The following GRIA1 variants were observed in gnomAD, a reference collection of about 807,000 sequenced individuals.
The protein encoded by GRIA1 is glutamate receptor 1.
A neutral mutation model predicts 99.2 loss-of-function variants in GRIA1; 31 were observed. The observed-to-expected ratio is 0.31, with a 90% CI of 0.23 to 0.42. The LOEUF (loss-of-function observed/expected upper bound fraction) is 0.42, where lower values mean the gene tolerates loss of function less well. Ranked by LOEUF, GRIA1 falls within the 10% of genes least tolerant of loss-of-function variation. The pLI is 1.00. For missense variants in GRIA1, 782 were observed against 1,157.5 expected (o/e 0.68, Z 4.71); for synonymous variants, 438 against 432.4 (o/e 1.01, Z -0.16).
At chr5:153,682,184 A>G (rs1757019320) in intron 7 of GRIA1, among the ~76,000 whole-genome samples, 1 of 152,136 alleles carries the variant, frequency 6.6e-6, no homozygotes, top group Non-Finnish European at 1.5e-5. Context: ...CAGAGTACCT[A>G]GAATGTGACC....
chr5:153,536,864 G>T (rs1003900673), intron 2 of GRIA1, among the ~76,000 whole-genome samples: 1 of 152,092 alleles, frequency 6.6e-6, no homozygotes, highest in African/African-American at 2.4e-5. Context: ...CAGTGCCTTC[G>T]TTGAGACAGG....
chr5:153,721,072 C>G (rs1760031893), intron 11 of GRIA1, among the ~76,000 whole-genome samples: 1 of 152,148 alleles, frequency 6.6e-6, no homozygotes. Context: ...CATGATTAAA[C>G]CAGAAGCAAA....
chr5:153,725,255 C>A (rs1301270015), intron 11 of GRIA1, among the ~76,000 whole-genome samples: 2 of 147,134 alleles, frequency 1.4e-5, no homozygotes, highest in Non-Finnish European at 3.0e-5. Flanking sequence ...AAGCACTAAA[C>A]ATGGAAAGGA....
At chr5:153,685,354 G>A (rs1187301594) in intron 7 of GRIA1, among the ~76,000 whole-genome samples, 1 of 152,180 alleles carries the variant, frequency 6.6e-6, no homozygotes, top group East Asian at 1.9e-4. Context: ...GATCTCCATG[G>A]TCACCATTTG....
At chr5:153,510,204 A>G (rs1391630428) in intron 2 of GRIA1, among the ~76,000 whole-genome samples, 2 of 152,200 alleles carry the variant, frequency 1.3e-5, no homozygotes, top group Non-Finnish European at 2.9e-5. Flanking sequence ...AACTAAATAT[A>G]TAGCTAGTTG....
chr5:153,665,526 G>A (rs1442309022), intron 5 of GRIA1, among the ~76,000 whole-genome samples: 2 of 152,196 alleles, frequency 1.3e-5, no homozygotes, highest in Admixed American at 1.3e-4. Context: ...GGTTAAAGTG[G>A]CTAAAATAGG....
At chr5:153,732,461 T>C in intron 11 of GRIA1, among the ~76,000 whole-genome samples, 1 of 152,158 alleles carries the variant, frequency 6.6e-6, no homozygotes, top group East Asian at 1.9e-4. Context: ...TGATTAGCTT[T>C]TCCCTGTTGA....
rs116672357 is a variant in GRIA1, at chr5:153,749,481, G to A, written c.1824-14953G>A. 2.6e-3 allele frequency among the ~76,000 whole-genome samples: 389 copies of A among 152,270 alleles called. 3 individuals are homozygous for A. The highest frequency in any genetic ancestry group is 8.6e-3 in the African/African-American group (359 of 41,558). Reference sequence around the variant, plus strand: ...GCCTCAGGCTGCTCCCACTCACGGAGGAAGGCAAGGGGGAGCTGGCATGTG... The same window carrying A: ...GCCTCAGGCTGCTCCCACTCACGGAAGAAGGCAAGGGGGAGCTGGCATGTG... On this transcript the variant is annotated intron_variant, in intron 11 of 15. Coordinates refer to ENST00000285900, the MANE Select transcript of GRIA1 (RefSeq NM_000827.4).
At chr5:153,551,291 T>C (rs1032323242) in intron 2 of GRIA1, among the ~76,000 whole-genome samples, 3 of 152,220 alleles carry the variant, frequency 2.0e-5, no homozygotes, top group Non-Finnish European at 4.4e-5. Context: ...GACATACATT[T>C]ATTTGAATGT....
At chr5:153,719,974 C>G (rs1380556125) in intron 11 of GRIA1, among the ~76,000 whole-genome samples, 8 of 152,128 alleles carry the variant, frequency 5.3e-5, no homozygotes, top group African/African-American at 1.9e-4. Context: ...CATTTATAGT[C>G]AGTGATTATT....
At chr5:153,697,430 T>C (rs752697340) in intron 8 of GRIA1, among the ~76,000 whole-genome samples, 2 of 152,156 alleles carry the variant, frequency 1.3e-5, no homozygotes, top group Non-Finnish European at 2.9e-5. Flanking sequence ...TTAGTATAAA[T>C]AACCTACTCA....
intron 2 of GRIA1, among the ~76,000 whole-genome samples, chr5:153,642,869 T>C (rs147250562): frequency 3.3e-5 from 5 of 152,258 alleles, no homozygotes; most frequent in African/African-American, 1.2e-4. Context: ...CCTCCTTTCA[T>C]CTCTCTACTG....
intron 13 of GRIA1, among the ~76,000 whole-genome samples, chr5:153,774,479 G>C (rs1764093729): frequency 6.6e-6 from 1 of 152,188 alleles, no homozygotes; most frequent in Non-Finnish European, 1.5e-5. Context: ...AAAAGTGCTT[G>C]AGTTTGTTCC....
chr5:153,672,183 G>T (rs1002650320), intron 5 of GRIA1, among the ~76,000 whole-genome samples: 3 of 151,162 alleles, frequency 2.0e-5, no homozygotes, highest in Non-Finnish European at 4.4e-5. Context: ...TCACCTCAGG[G>T]TCATGCCATG....
chr5:153,684,027 G>A (rs572771945), intron 7 of GRIA1, among the ~76,000 whole-genome samples: 5 of 152,204 alleles, frequency 3.3e-5, no homozygotes, highest in African/African-American at 9.6e-5. Flanking sequence ...GTGTTTCGGC[G>A]AACACTTGGT....
intron 2 of GRIA1, among the ~76,000 whole-genome samples, chr5:153,624,904 G>A (rs576591984): frequency 1.3e-5 from 2 of 152,308 alleles, no homozygotes; most frequent in South Asian, 2.1e-4. Flanking sequence ...TAAATGGAAG[G>A]AGGAAGAGAA....
intron 2 of GRIA1, among the ~76,000 whole-genome samples, chr5:153,508,449 A>G (rs1320570506): frequency 6.6e-6 from 1 of 152,134 alleles, no homozygotes; most frequent in Non-Finnish European, 1.5e-5. Context: ...ATTTCAGACA[A>G]GAAAAAAAAA....
intron 2 of GRIA1, among the ~76,000 whole-genome samples, chr5:153,618,771 A>G (rs570867490): frequency 6.6e-6 from 1 of 152,368 alleles, no homozygotes; most frequent in African/African-American, 2.4e-5. Context: ...AGAAAGAAGT[A>G]TAAAATACAG....
In GRIA1 at chr5:153,679,199, A is replaced by G. The variant is rs149324878; in HGVS notation, c.1029+2038A>G. Among the ~76,000 whole-genome samples the G allele has an allele frequency of 3.0e-3, 453 of 152,316 alleles. 4 individuals are homozygous for G. Among genetic ancestry groups the G allele is most frequent in the African/African-American group, 0.01 (422 of 41,566 alleles). ...GGCTTGGAGCCAAGCACTGAGGACA[A>G]TAAAAGAAAGCAAGGCCTGCGCTCA... On this transcript the variant is annotated intron_variant, in intron 7 of 15. Coordinates refer to ENST00000285900, the MANE Select transcript of GRIA1 (RefSeq NM_000827.4).
Sources: gnomAD v4.1 joint callset for allele counts (sites outside exome capture counted in the v4.1 genomes callset) on GRCh38, gnomAD v4.1.1 for gene constraint, MANE v1.5 for transcripts, NCBI Gene and HGNC (gene_info 2026-07-23, HGNC 2026-07-21) for gene names.